DOCK1: variants seen among roughly 807,000 people sequenced by gnomAD.
DOCK1 encodes the protein dedicator of cytokinesis protein 1.
A neutral mutation model predicts 262.7 loss-of-function variants in DOCK1; 138 were observed. That is an observed-to-expected ratio of 0.53 (90% CI 0.46 to 0.61). The LOEUF (loss-of-function observed/expected upper bound fraction) is 0.61, where lower values mean the gene tolerates loss of function less well. Among genes scored for constraint, DOCK1 ranks in the 20% least tolerant of loss-of-function variants. The pLI is 0.00. For synonymous variants in DOCK1, 866 were observed against 867.4 expected (o/e 1.00, Z 0.03); for missense variants, 1,908 against 2,370.7 (o/e 0.80, Z 4.05).
chr10:127,269,585 G>A (rs2060488645), intron 29 of DOCK1, among the ~76,000 whole-genome samples: 1 of 152,208 alleles, frequency 6.6e-6, no homozygotes. Context: ...ACTCTGTCAA[G>A]CATAGGTCTT....
chr10:127,192,977 TAAAG>T (rs1216409152), intron 27 of DOCK1, among the ~76,000 whole-genome samples: 5 of 152,218 alleles, frequency 3.3e-5, no homozygotes, highest in South Asian at 2.1e-4. Context: ...AGTATTGGAA[TAAAG>T]ACTTCTCTCA....
intron 21 of DOCK1, among the ~76,000 whole-genome samples, chr10:127,050,918 TTACAG>T (rs2044683857): frequency 6.6e-6 from 1 of 152,038 alleles, no homozygotes; most frequent in African/African-American, 2.4e-5. Flanking sequence ...GTTATTTGAA[TTACAG>T]TAAAGTAAAA....
In DOCK1 at chr10:127,384,925, C is replaced by A. The variant is rs1272965809; in HGVS notation, c.3927+16C>A. On this transcript the variant is annotated intron_variant, in intron 38 of 51. Coordinates refer to ENST00000623213, the MANE Select transcript of DOCK1 (RefSeq NM_001290223.2). ...CAAAGGCAAGGTAAAACACAAAAAG[C>A]AATTGTCCTTGTTTTCCTCTTTCCA... is the stretch of plus-strand genomic sequence containing the variant. The A allele has an allele frequency of 6.4e-7, 1 of 1,572,436 alleles. No homozygotes were observed. Among genetic ancestry groups the A allele is most frequent in the Non-Finnish European group, 8.6e-7 (1 of 1,163,276 alleles).
intron 35 of DOCK1, among the ~76,000 whole-genome samples, chr10:127,378,677 G>C (rs1461150324): frequency 6.6e-6 from 1 of 152,184 alleles, no homozygotes; most frequent in Non-Finnish European, 1.5e-5. Context: ...CAAAACCTTA[G>C]AAAGGATTAA....
intron 37 of DOCK1, among the ~76,000 whole-genome samples, chr10:127,383,921 T>TC (rs2065958360): frequency 6.6e-6 from 1 of 152,110 alleles, no homozygotes; most frequent in East Asian, 1.9e-4. Context: ...TGTTTTTTTT[T>TC]CTTCTTCTTC....
intron 27 of DOCK1, among the ~76,000 whole-genome samples, chr10:127,240,666 G>A (rs1038980040): frequency 6.6e-6 from 1 of 152,000 alleles, no homozygotes; most frequent in Admixed American, 6.6e-5. Flanking sequence ...TTACAACATC[G>A]TTCTTTCTAT....
At chr10:127,011,990 G>A (rs1170076972) in intron 11 of DOCK1, among the ~76,000 whole-genome samples, 2 of 152,120 alleles carry the variant, frequency 1.3e-5, no homozygotes, top group African/African-American at 2.4e-5. Flanking sequence ...CCTGGTGCAC[G>A]TTTATTCCTG....
At chr10:127,422,158 CTTTTTTTTTTTT>C (rs35535729) in intron 46 of DOCK1, among the ~76,000 whole-genome samples, 3 of 61,370 alleles carry the variant, frequency 4.9e-5, no homozygotes, top group East Asian at 4.8e-4. Flanking sequence ...TTTTGTTTGT[CTTTTTTTTTTTT>C]TTTTTTTTTT....
At chr10:127,441,956 A>C (rs2070188474) in intron 49 of DOCK1, among the ~76,000 whole-genome samples, 1 of 152,054 alleles carries the variant, frequency 6.6e-6, no homozygotes, top group African/African-American at 2.4e-5. Context: ...GGAGGCCAGG[A>C]GAAGCACCTT....
At chr10:127,290,375 G>T (rs528818413) in intron 29 of DOCK1, among the ~76,000 whole-genome samples, 3 of 152,204 alleles carry the variant, frequency 2.0e-5, no homozygotes, top group East Asian at 3.9e-4. Context: ...AATGAAGGTC[G>T]TGGTAGTTTT....
At chr10:127,016,082 G>A (rs41282906) in intron 12 of DOCK1, 27,246 of 152,176 alleles carry the variant, frequency 0.18, 2,613 homozygotes, top group Non-Finnish European at 0.21. Context: ...TGAGAACTTC[G>A]CAGTTGCATA....
chr10:127,303,160 A>G (rs1397826551), intron 29 of DOCK1, among the ~76,000 whole-genome samples: 1 of 152,180 alleles, frequency 6.6e-6, no homozygotes. Context: ...ATACAGTACA[A>G]AACTTGGGAT....
At chr10:127,251,444 A>G (rs959475634) in intron 28 of DOCK1, among the ~76,000 whole-genome samples, 18 of 151,570 alleles carry the variant, frequency 1.2e-4, no homozygotes, top group Admixed American at 2.6e-4. Context: ...GGTTAGTTAC[A>G]TATGTATACA....
intron 1 of DOCK1, among the ~76,000 whole-genome samples, chr10:126,947,275 G>T (rs1184108782): frequency 6.9e-6 from 1 of 145,204 alleles, no homozygotes; most frequent in Non-Finnish European, 1.5e-5. Flanking sequence ...ACTACTGTTG[G>T]TGGTGATGGT....
Position 127,444,278 on chromosome 10 carries a change from G to A in DOCK1, c.5412G>A (p.Ser1804=), listed in dbSNP as rs536780237. Residue 1804 remains serine (S), a splice_region_variant and synonymous_variant, in exon 50 of 52, where the codon TCG becomes TCA. Coordinates refer to ENST00000623213, the MANE Select transcript of DOCK1 (RefSeq NM_001290223.2). ...PRAKLSFSMQ[S]SLELNGMTGA... ...CCAAGCTCAGCTTCAGCATGCAGTC[G>A]AGTAAGTGGAACGCTCCCCACATAC... is the stretch of plus-strand genomic sequence containing the variant. The A allele has an allele frequency of 1.4e-5, 22 of 1,602,888 alleles. No individual in the cohort carries two copies. The highest frequency in any genetic ancestry group is 4.5e-5 in the East Asian group (2 of 44,764).
chr10:126,951,747 C>T (rs937596509), intron 1 of DOCK1, among the ~76,000 whole-genome samples: 5 of 151,956 alleles, frequency 3.3e-5, no homozygotes, highest in Non-Finnish European at 7.4e-5. Context: ...TAAGGACTTC[C>T]TAGAACTAAA....
intron 23 of DOCK1, among the ~76,000 whole-genome samples, chr10:127,073,586 A>G (rs1641207125): frequency 6.6e-6 from 1 of 151,168 alleles, no homozygotes; most frequent in Non-Finnish European, 1.5e-5. Context: ...AGTGGCTGCC[A>G]GTAGCCAGAG....
chr10:127,065,075 T>C lies in DOCK1; in HGVS notation c.2445+3299T>C, dbSNP rs571571139. Among the ~76,000 whole-genome samples the C allele has an allele frequency of 2.6e-5, 4 of 152,224 alleles. No homozygotes were observed. The East Asian group carries it at 7.7e-4, about 29-fold the overall frequency. On this transcript the variant is annotated intron_variant, in intron 23 of 51. Transcript: ENST00000623213. ...CCCATGCTGGAGGGCAGTGGCACAGTCTCGGCTCACAGCAACCTCTGCCTT... is the reference window on the plus strand; with the variant it reads ...CCCATGCTGGAGGGCAGTGGCACAGCCTCGGCTCACAGCAACCTCTGCCTT...
At chr10:127,143,136 G>A (rs2051435560) in intron 27 of DOCK1, among the ~76,000 whole-genome samples, 1 of 152,080 alleles carries the variant, frequency 6.6e-6, no homozygotes, top group African/African-American at 2.4e-5. Flanking sequence ...TCTTTAGCAA[G>A]CTGTCACTGA....
Sources: gnomAD v4.1 joint callset for allele counts (sites outside exome capture counted in the v4.1 genomes callset) on GRCh38, gnomAD v4.1.1 for gene constraint, MANE v1.5 for transcripts, NCBI Gene and HGNC (gene_info 2026-07-23, HGNC 2026-07-21) for gene names.